UST: variants seen among roughly 807,000 people sequenced by gnomAD.
The protein encoded by UST is chondroitin sulfate 2-O-sulfotransferase.
Under a neutral mutation model 45.6 loss-of-function variants are expected in UST, and 21 were observed. The observed-to-expected ratio is 0.46, with a 90% CI of 0.33 to 0.66. The LOEUF (loss-of-function observed/expected upper bound fraction) is 0.66, where lower values mean the gene tolerates loss of function less well. Ranked by LOEUF, UST falls within the 30% of genes least tolerant of loss-of-function variation. The pLI is 0.02. For synonymous variants in UST, 215 were observed against 200.6 expected, an observed-to-expected ratio of 1.07 and a Z score of -0.61; for missense variants, 463 against 512.4, an observed-to-expected ratio of 0.90 and a Z score of 0.93.
At chr6:148,753,488 A>G (rs892140975) in intron 1 of UST, among the ~76,000 whole-genome samples, 1 of 152,220 alleles carries the variant, frequency 6.6e-6, no homozygotes, top group Non-Finnish European at 1.5e-5. Flanking sequence ...ATGGCTGAAT[A>G]ATATTTCCTA....
intron 2 of UST, among the ~76,000 whole-genome samples, chr6:148,902,571 G>A (rs555046516): frequency 1.3e-5 from 2 of 152,008 alleles, no homozygotes; most frequent in Admixed American, 1.3e-4. Flanking sequence ...TGAATTTTGA[G>A]TCTCACGTTG....
intron 1 of UST, among the ~76,000 whole-genome samples, chr6:148,830,592 C>T (rs1296594666): frequency 6.6e-6 from 1 of 152,114 alleles, no homozygotes; most frequent in East Asian, 1.9e-4. Context: ...GTTTTCTAGT[C>T]CAGTGGTTTT....
At chr6:148,787,189 C>G (rs1226450787) in intron 1 of UST, among the ~76,000 whole-genome samples, 1 of 152,162 alleles carries the variant, frequency 6.6e-6, no homozygotes, top group African/African-American at 2.4e-5. Context: ...TTTTGCTGTG[C>G]AGAAGCTCTT....
chr6:148,974,947 G>C (rs948311558), intron 5 of UST, among the ~76,000 whole-genome samples: 9 of 152,152 alleles, frequency 5.9e-5, no homozygotes, highest in African/African-American at 1.9e-4. Flanking sequence ...ACTCACTTCC[G>C]GGTTTTGTAA....
At chr6:148,764,692 C>T (rs1337257994) in intron 1 of UST, among the ~76,000 whole-genome samples, 1 of 152,108 alleles carries the variant, frequency 6.6e-6, no homozygotes, top group Non-Finnish European at 1.5e-5. Flanking sequence ...TAGCAGTTTT[C>T]AAAGGGGAGG....
rs543692057 is a variant in UST, at chr6:149,064,305, C to T, written c.938-9528C>T. ...CCACACCCAACTTCGGGCTTCACCACTTACCAGCTGTGTGAGCCTGCACAA... is the reference window on the plus strand; with the variant it reads ...CCACACCCAACTTCGGGCTTCACCATTTACCAGCTGTGTGAGCCTGCACAA... On this transcript the variant is annotated intron_variant, in intron 7 of 7. Transcript: ENST00000367463. Among the ~76,000 whole-genome samples the T allele has an allele frequency of 3.3e-5, 5 of 152,356 alleles. No homozygotes were observed. In the South Asian group the frequency reaches 6.2e-4, roughly 19 times the overall value.
chr6:149,012,351 T>A (rs1775827656), intron 5 of UST, among the ~76,000 whole-genome samples: 2 of 152,200 alleles, frequency 1.3e-5, no homozygotes, highest in African/African-American at 4.8e-5. Context: ...AGGAAGAGTG[T>A]ATGAGGCAAT....
chr6:148,892,388 A>G (rs1779036643), intron 2 of UST, among the ~76,000 whole-genome samples: 1 of 152,208 alleles, frequency 6.6e-6, no homozygotes, highest in Admixed American at 6.5e-5. Context: ...AACTACAAAG[A>G]TGATGTCTCT....
intron 5 of UST, among the ~76,000 whole-genome samples, chr6:149,013,651 T>C (rs1775853131): frequency 6.6e-6 from 1 of 152,212 alleles, no homozygotes; most frequent in Non-Finnish European, 1.5e-5. Context: ...GACACCCAGC[T>C]AATTAATCTT....
chr6:149,071,015 C>G (rs1776811320), intron 7 of UST, among the ~76,000 whole-genome samples: 1 of 152,212 alleles, frequency 6.6e-6, no homozygotes, highest in Non-Finnish European at 1.5e-5. Context: ...ATCCACCTGC[C>G]TCGTCCTCCC....
intron 5 of UST, among the ~76,000 whole-genome samples, chr6:148,966,051 C>T (rs1780789980): frequency 6.6e-6 from 1 of 151,740 alleles, no homozygotes; most frequent in South Asian, 2.1e-4. Flanking sequence ...TGGTGAAAAC[C>T]TGTCTTTATT....
intron 5 of UST, among the ~76,000 whole-genome samples, chr6:149,000,074 T>G (rs1168551398): frequency 6.6e-6 from 1 of 152,056 alleles, no homozygotes; most frequent in Non-Finnish European, 1.5e-5. Context: ...TAGGACAAGG[T>G]CAAGGAGACT....
chr6:148,975,687 A>G (rs1781002601), intron 5 of UST, among the ~76,000 whole-genome samples: 1 of 152,228 alleles, frequency 6.6e-6, no homozygotes, highest in Admixed American at 6.5e-5. Context: ...AAAAAGCATC[A>G]TGCACCAATA....
chr6:148,956,554 T>C (rs1177164397), intron 4 of UST, among the ~76,000 whole-genome samples: 1 of 152,106 alleles, frequency 6.6e-6, no homozygotes, highest in South Asian at 2.1e-4. Context: ...CAAGATAAGA[T>C]TTGGGTGGGG....
At chr6:149,043,823 G>A (rs1776361168) in intron 7 of UST, among the ~76,000 whole-genome samples, 1 of 152,228 alleles carries the variant, frequency 6.6e-6, no homozygotes, top group African/African-American at 2.4e-5. Context: ...GATATTGTTT[G>A]CCTAAGTATA....
At chr6:148,975,415 G>A (rs1026598708) in intron 5 of UST, among the ~76,000 whole-genome samples, 2 of 152,110 alleles carry the variant, frequency 1.3e-5, no homozygotes, top group Non-Finnish European at 1.5e-5. Flanking sequence ...CTACTTGCAC[G>A]TGCAATTTCA....
chr6:149,043,034 TTTCTTTCTTTCC>T lies in UST; in HGVS notation c.937+21561_937+21572del, dbSNP rs1170611611. 3.4e-3 allele frequency among the ~76,000 whole-genome samples: 473 copies of T among 138,384 alleles called. 6 individuals carry two copies. The highest frequency in any genetic ancestry group is 0.014 in the African/African-American group (438 of 32,040). The allele number at this position is 138,384 out of a possible 152,430, so 90.8% of individuals were successfully genotyped here. A position where few individuals can be genotyped will look rare whatever the true frequency, so the allele number is the denominator to read the frequency against. ...TTCTTTCTTTCTTTTTCTTTCTTTC[TTTCTTTCTTTCC>T]TTCTTTCCTTCTTTCCTTCTTTCTT... On this transcript the variant is annotated intron_variant, in intron 7 of 7. Coordinates refer to ENST00000367463, the MANE Select transcript of UST (RefSeq NM_005715.3).
chr6:148,979,063 C>T (rs1781079362), intron 5 of UST, among the ~76,000 whole-genome samples: 1 of 152,076 alleles, frequency 6.6e-6, no homozygotes, highest in South Asian at 2.1e-4. Context: ...ATCATATTAA[C>T]ACCCCTCGGC....
At chr6:148,752,045 C>T (rs1776002241) in intron 1 of UST, among the ~76,000 whole-genome samples, 1 of 152,262 alleles carries the variant, frequency 6.6e-6, no homozygotes, top group East Asian at 1.9e-4. Flanking sequence ...GATATGCTTT[C>T]CTTTCCATTT....
Sources: allele counts gnomAD v4.1 joint callset (sites outside exome capture counted in the v4.1 genomes callset), GRCh38; gene constraint gnomAD v4.1.1; transcripts MANE v1.5; gene names NCBI Gene and HGNC (gene_info 2026-07-23, HGNC 2026-07-21).